The following MED24 variants were observed in gnomAD, a reference collection of about 807,000 sequenced individuals.
The protein encoded by MED24 is mediator of RNA polymerase II transcription subunit 24.
A neutral mutation model predicts 118.8 loss-of-function variants in MED24; 74 were observed. That is an observed-to-expected ratio of 0.62 (90% CI 0.52 to 0.76). The LOEUF (loss-of-function observed/expected upper bound fraction) is 0.76. MED24 is among the 30% of genes least tolerant of loss of function. MED24 has a pLI of 0.00. For synonymous variants in MED24, 521 were observed against 523.9 expected (o/e 0.99, Z 0.08); for missense variants, 1,041 against 1,278.9 (o/e 0.81, Z 2.84).
rs748219397 is a variant in MED24 at position 40,035,215 on chromosome 17, C to A, written c.461G>T (p.Gly154Val). 2 of 1,614,098 alleles carry A rather than the reference C, an allele frequency of 1.2e-6. No individual in the cohort carries two copies. The highest frequency in any genetic ancestry group is 2.2e-5 in the South Asian group (2 of 91,080). The change falls in exon 6 of 26, where the codon GGG becomes GTG. Residue 154 changes from glycine (G) to valine (V), a missense_variant. Gly to Val is a moderately radical substitution (Grantham distance 109). This residue lies in a region of MED24 where 434 missense variants were observed against 514.9 expected (regional missense o/e 0.84). Transcript: ENST00000394128. The stretch of plus-strand genomic sequence containing the variant: ...AAGGCACATGGCAAGCTGCTTCTCC[C>A]CAGCGGCTGGAGTGCCGGCCTCCAG... ...EGLEAGTPAA[G>V]EKQLAMCLQR...
intron 3 of MED24, among the ~76,000 whole-genome samples, chr17:40,051,450 C>T (rs1017619712): frequency 6.6e-6 from 1 of 150,986 alleles, no homozygotes; most frequent in African/African-American, 2.4e-5. Context: ...CCCATCTCTA[C>T]TAAAAATACA....
intron 10 of MED24, 70 bp downstream of exon 10, chr17:40,031,973 T>C: frequency 6.6e-7 from 1 of 1,516,966 alleles, no homozygotes; most frequent in Non-Finnish European, 9.1e-7. Context: ...ACTGCCCAGC[T>C]GGGGCCTGAA....
chr17:40,032,489 G>T, intron 9 of MED24, 160 bp downstream of exon 9: 1 of 619,766 alleles, frequency 1.6e-6, no homozygotes. Context: ...TATAGCCCTG[G>T]CACTTTCAGA....
At position 40,036,016 on chromosome 17, in the gene MED24, G is replaced by A. The variant is rs1218073730; in HGVS notation, c.252+100C>T. 11 of 1,363,130 alleles carry A rather than the reference G, an allele frequency of 8.1e-6. No homozygotes were observed. The East Asian group carries it at 2.3e-4, about 28-fold the overall frequency. 84.4% of individuals were successfully genotyped at this position (1,363,130 alleles called of 1,614,324 possible). On this transcript the variant is annotated intron_variant, in intron 4 of 25. Transcript: ENST00000394128. ...GCAATGCCAGCCAGAGGCATCATGT[G>A]CTGCCTATCCAGCCTCACGGGTCAC...
In MED24 at chr17:40,027,980, G is replaced by A. The variant is rs768151551; in HGVS notation, c.1410-34C>T. Reference sequence around the variant, plus strand: ...AATGGAGACAGGCTGCATTGACCAGGGCATGAGCTGAGCAGTAGCTGGGCG... The same window carrying A: ...AATGGAGACAGGCTGCATTGACCAGAGCATGAGCTGAGCAGTAGCTGGGCG... On this transcript the variant is annotated intron_variant, in intron 14 of 25. Coordinates refer to ENST00000394128, the MANE Select transcript of MED24 (RefSeq NM_014815.4). The A allele has an allele frequency of 4.3e-6, 7 of 1,610,742 alleles. No individual in the cohort carries two copies. In the African/African-American group the frequency reaches 9.3e-5, roughly 22 times the overall value.
At chr17:40,027,860 AC>A (rs777629143) in intron 15 of MED24, 48 bp downstream of exon 15, 3 of 1,592,054 alleles carry the variant, frequency 1.9e-6, no homozygotes, top group Non-Finnish European at 2.6e-6. Flanking sequence ...CTCCCGCCAC[AC>A]CCCTCCTCAG....
Position 40,027,001 on chromosome 17 carries a change from C to A in MED24, c.1564G>T (p.Val522Leu). 1 of 1,614,174 alleles carries A rather than the reference C, an allele frequency of 6.2e-7. No homozygotes were observed. Among genetic ancestry groups the A allele is most frequent in the East Asian group, 2.2e-5 (1 of 44,882 alleles). ...ILSESRTGAE[V>L]PFFETWMQTC... ...TGCATCCAGGTCTCGAAGAAGGGCA[C>A]CTCAGCTCCTGTGCGCGACTCGGAC... Residue 522 changes from valine (V) to leucine (L), a missense_variant, in exon 17 of 26, where the codon GTG (valine) becomes TTG (leucine). Around this residue, in one of 3 missense-constraint regions of MED24, gnomAD observed 587 missense variants for 694.4 expected, o/e 0.85. Coordinates refer to ENST00000394128, the MANE Select transcript of MED24 (RefSeq NM_014815.4).
intron 3 of MED24, among the ~76,000 whole-genome samples, chr17:40,049,645 G>A (rs1054917772): frequency 6.6e-6 from 1 of 151,992 alleles, no homozygotes; most frequent in Non-Finnish European, 1.5e-5. Flanking sequence ...TCCTGCCTCA[G>A]CCTCCCAAGT....
Position 40,019,281 on chromosome 17 carries a change from A to G in MED24, c.*248T>C. On this transcript the variant is annotated 3_prime_UTR_variant, in exon 26 of 26. Coordinates refer to ENST00000394128, the MANE Select transcript of MED24 (RefSeq NM_014815.4). ...GGGGCGGGCGCACACAGGGGTGACC[A>G]CTGGGCTTGTGGTCCAGGCTGCTCA... 1.9e-6 allele frequency: 1 copy of G among 532,580 alleles called. No homozygotes were observed. The allele number at this position is 532,580 out of a possible 1,614,324, so 33.0% of individuals were successfully genotyped here.
intron 21 of MED24, 54 bp downstream of exon 21, chr17:40,022,591 G>A (rs1244972738): frequency 3.7e-6 from 6 of 1,607,352 alleles, no homozygotes; most frequent in Non-Finnish European, 5.1e-6. Flanking sequence ...CACCAGGCGA[G>A]GGGTGCTTGA....
At chr17:40,046,541 C>A (rs917087565) in intron 3 of MED24, among the ~76,000 whole-genome samples, 2 of 144,708 alleles carry the variant, frequency 1.4e-5, no homozygotes, top group African/African-American at 2.6e-5. Flanking sequence ...GTCAGGAGAT[C>A]GAGACCATCC....
chr17:40,040,034 C>T (rs1007540311), intron 3 of MED24, among the ~76,000 whole-genome samples: 2 of 151,728 alleles, frequency 1.3e-5, no homozygotes, highest in East Asian at 1.9e-4. Flanking sequence ...CTGCCCACCT[C>T]GGCCTCCCAA....
chr17:40,051,361 A>G (rs1409460909), intron 3 of MED24, among the ~76,000 whole-genome samples: 1 of 152,040 alleles, frequency 6.6e-6, no homozygotes, highest in Non-Finnish European at 1.5e-5. Flanking sequence ...CACGCCTGTA[A>G]ACCCAGCACT....
rs773372512 is a variant in MED24 at position 40,027,022 on chromosome 17, C to A, written c.1543G>T (p.Glu515Ter). ...GGCACCTCAGCTCCTGTGCGCGACT[C>A]GGACAGAATCACCTGGGAAAGGGGA... ...QTYGSEVILS[E>*]SRTGAEVPFF... The change falls in exon 17 of 26, where the codon GAG (glutamate) becomes TAG (stop). Residue 515 changes from glutamate to a stop codon, truncating the protein, a stop_gained. Transcript: ENST00000394128. LOFTEE classifies it high-confidence loss of function. The A allele has an allele frequency of 6.2e-7, 1 of 1,614,006 alleles. No homozygotes were observed.
At chr17:40,047,555 C>T (rs866579813) in intron 3 of MED24, among the ~76,000 whole-genome samples, 2 of 151,216 alleles carry the variant, frequency 1.3e-5, no homozygotes, top group Non-Finnish European at 2.9e-5. Flanking sequence ...CCAGCTACTC[C>T]GGAGGCTGAG....
intron 3 of MED24, among the ~76,000 whole-genome samples, chr17:40,048,515 A>G (rs1249072260): frequency 6.6e-6 from 1 of 152,162 alleles, no homozygotes; most frequent in Admixed American, 6.6e-5. Flanking sequence ...TAGATAAAAG[A>G]TCTATTCAAG....
chr17:40,032,950 G>T, intron 8 of MED24, 106 bp downstream of exon 8: 1 of 1,489,292 alleles, frequency 6.7e-7, no homozygotes, highest in African/African-American at 1.4e-5. Context: ...CCATCATGGA[G>T]CAGGAGAAAC....
Position 40,019,512 on chromosome 17 carries a change from C to A in MED24, c.*17G>T, listed in dbSNP as rs1408192835. 1.2e-6 allele frequency: 2 copies of A among 1,605,044 alleles called. No homozygotes were observed. The highest frequency in any genetic ancestry group is 1.7e-6 in the Non-Finnish European group (2 of 1,174,554). Reference sequence around the variant, plus strand: ...CTGCGCCAGTCCCCAGCCCCCACTGCGGCCATGCCAAGCCCCTCAGAGTGC... The same window carrying A: ...CTGCGCCAGTCCCCAGCCCCCACTGAGGCCATGCCAAGCCCCTCAGAGTGC... On this transcript the variant is annotated 3_prime_UTR_variant, in exon 26 of 26. Transcript: ENST00000394128.
At chr17:40,050,005 C>T (rs562678583) in intron 3 of MED24, among the ~76,000 whole-genome samples, 137 of 149,558 alleles carry the variant, frequency 9.2e-4, no homozygotes, top group African/African-American at 2.6e-3. Context: ...CAAAAATTAG[C>T]GGGGCATGGT....
Sources: gnomAD v4.1 joint callset for allele counts (sites outside exome capture counted in the v4.1 genomes callset) on GRCh38, gnomAD v4.1.1 for gene constraint, gnomAD v4.1.1 regional missense constraint, MANE v1.5 for transcripts, NCBI Gene and HGNC (gene_info 2026-07-23, HGNC 2026-07-21) for gene names.